RTN1: variants seen among roughly 807,000 people sequenced by gnomAD.
RTN1 encodes the protein reticulon 1.
In RTN1, 25 loss-of-function variants were observed where a neutral mutation model predicts 65.5. The observed-to-expected ratio is 0.38, with a 90% CI of 0.28 to 0.53. RTN1 has a LOEUF of 0.53. RTN1 is among the 20% of genes least tolerant of loss of function. The probability of loss-of-function intolerance (pLI) is 0.79; values close to 1 mark genes in which losing one functional copy is unlikely to be tolerated. For synonymous variants in RTN1, 471 were observed against 447.6 expected, an observed-to-expected ratio of 1.05 and a Z score of -0.66; for missense variants, 983 against 1,025.4, an observed-to-expected ratio of 0.96 and a Z score of 0.57.
Position 59,816,546 on chromosome 14 carries a change from A to T in RTN1, c.241+53844T>A, listed in dbSNP as rs981135752. On this transcript the variant is annotated intron_variant, in intron 1 of 8. Coordinates refer to ENST00000267484, the MANE Select transcript of RTN1 (RefSeq NM_021136.3). The surrounding 1 kb of genome is among the most constrained non-coding windows in gnomAD (Gnocchi z 4.3). ...CACATAGAAATGAGTTTTGAGATGG[A>T]GGATTCAAACCAGGAAATCAGGCTG... Among the ~76,000 whole-genome samples the T allele has an allele frequency of 1.3e-5, 2 of 152,228 alleles. No individual in the cohort carries two copies. The highest frequency in any genetic ancestry group is 1.9e-4 in the East Asian group (1 of 5,202).
intron 3 of RTN1, among the ~76,000 whole-genome samples, chr14:59,706,980 A>T (rs1239901163): frequency 6.6e-6 from 1 of 152,204 alleles, no homozygotes; most frequent in Non-Finnish European, 1.5e-5. Flanking sequence ...ACTCCTGGAG[A>T]AAAGTTTCTT....
At chr14:59,639,526 T>G (rs2140190801) in intron 3 of RTN1, among the ~76,000 whole-genome samples, 1 of 152,340 alleles carries the variant, frequency 6.6e-6, no homozygotes, top group Middle Eastern at 3.4e-3. Context: ...CTTTTATCTC[T>G]TTTACCTTGT....
chr14:59,802,247 T>C (rs1886560398), intron 1 of RTN1, among the ~76,000 whole-genome samples: 1 of 152,238 alleles, frequency 6.6e-6, no homozygotes, highest in Non-Finnish European at 1.5e-5. Context: ...GGCTGGAACA[T>C]TGCTATTCAA....
At chr14:59,742,270 C>A (rs938375753) in intron 2 of RTN1, among the ~76,000 whole-genome samples, 2 of 152,092 alleles carry the variant, frequency 1.3e-5, no homozygotes, top group African/African-American at 4.8e-5. Flanking sequence ...GATTATTGTC[C>A]TTTTTGAGGC....
At chr14:59,630,355 G>A in intron 3 of RTN1, 1 of 1,534,632 alleles carries the variant, frequency 6.5e-7, no homozygotes, top group East Asian at 2.3e-5. Context: ...GCATGCACAG[G>A]TCCCACAGGT....
chr14:59,723,489 C>T (rs760052161), intron 3 of RTN1, among the ~76,000 whole-genome samples: 5 of 151,098 alleles, frequency 3.3e-5, no homozygotes, highest in African/African-American at 9.7e-5. Context: ...TGGTGGTGGG[C>T]GCCTGTAGTC....
intron 1 of RTN1, among the ~76,000 whole-genome samples, chr14:59,749,373 T>C (rs1339917936): frequency 1.3e-5 from 1 of 79,122 alleles, no homozygotes; most frequent in Non-Finnish European, 2.0e-5. Flanking sequence ...TATATATCTA[T>C]ATATCTATAT....
chr14:59,749,334 A>C (rs796545040), intron 1 of RTN1, among the ~76,000 whole-genome samples: 1 of 66,498 alleles, frequency 1.5e-5, no homozygotes, highest in Non-Finnish European at 2.3e-5. Context: ...ATATCTATAT[A>C]TATCTATATA....
intron 3 of RTN1, among the ~76,000 whole-genome samples, chr14:59,609,800 T>G (rs1370908927): frequency 6.6e-6 from 1 of 152,208 alleles, no homozygotes; most frequent in African/African-American, 2.4e-5. Context: ...TTTCATTTAT[T>G]GAGCAGGAAC....
intron 1 of RTN1, among the ~76,000 whole-genome samples, chr14:59,796,278 C>G (rs753616705): frequency 1.3e-5 from 2 of 152,056 alleles, no homozygotes; most frequent in Admixed American, 1.3e-4. Flanking sequence ...GCGAACTATA[C>G]CATCTAGGTT....
intron 1 of RTN1, among the ~76,000 whole-genome samples, chr14:59,777,819 C>CA (rs1230621935): frequency 1.7e-4 from 19 of 109,302 alleles, no homozygotes; most frequent in Non-Finnish European, 3.0e-4. Context: ...ACAACAACAA[C>CA]AACAAAAAAA....
Position 59,840,385 on chromosome 14 carries a change from T to C in RTN1, c.241+30005A>G, listed in dbSNP as rs918258434. On this transcript the variant is annotated intron_variant, in intron 1 of 8. Transcript: ENST00000267484. The stretch of plus-strand genomic sequence containing the variant: ...TCCTCTCCACCATCAATTTGTATAG[T>C]GGCTAAGAGCACATGCTTTCAAGTG... 3.9e-5 allele frequency among the ~76,000 whole-genome samples: 6 copies of C among 152,316 alleles called. No homozygotes were observed. In the South Asian group the frequency reaches 1.2e-3, roughly 32 times the overall value.
At chr14:59,862,373 C>A (rs967358262) in intron 1 of RTN1, among the ~76,000 whole-genome samples, 3 of 152,072 alleles carry the variant, frequency 2.0e-5, no homozygotes, top group Admixed American at 2.0e-4. Context: ...TTTCACCTTT[C>A]TTCTGGACTC....
chr14:59,635,609 G>A (rs1476105200), intron 3 of RTN1, among the ~76,000 whole-genome samples: 1 of 152,050 alleles, frequency 6.6e-6, no homozygotes, highest in Non-Finnish European at 1.5e-5. Flanking sequence ...TGTAGACTTT[G>A]GCAACTCATA....
intron 1 of RTN1, among the ~76,000 whole-genome samples, chr14:59,773,287 C>A (rs1885992056): frequency 6.6e-6 from 1 of 151,960 alleles, no homozygotes; most frequent in African/African-American, 2.4e-5. Flanking sequence ...AAAAAAAATT[C>A]TCATCATTTA....
intron 3 of RTN1, chr14:59,630,912 C>T: frequency 1.1e-6 from 1 of 912,942 alleles, no homozygotes. Context: ...TTGGGCTGTT[C>T]CTGGGAGTTC....
chr14:59,813,404 T>C (rs1886764454), intron 1 of RTN1, among the ~76,000 whole-genome samples: 1 of 152,234 alleles, frequency 6.6e-6, no homozygotes, highest in South Asian at 2.1e-4. Flanking sequence ...TAAAGTTTAC[T>C]GGCCAAATTC....
intron 1 of RTN1, among the ~76,000 whole-genome samples, chr14:59,764,964 T>C (rs10147912): frequency 0.029 from 4,439 of 152,262 alleles, 199 homozygotes; most frequent in African/African-American, 0.1. Flanking sequence ...TTCTAAACAC[T>C]GCTGCTATGA....
chr14:59,724,513 T>C (rs1884716007), intron 3 of RTN1, among the ~76,000 whole-genome samples: 1 of 152,220 alleles, frequency 6.6e-6, no homozygotes. Flanking sequence ...CGGACCTCAC[T>C]GTTGCCAGGA....
Sources: allele counts gnomAD v4.1 joint callset (sites outside exome capture counted in the v4.1 genomes callset), GRCh38; gene constraint gnomAD v4.1.1; non-coding constraint Gnocchi (gnomAD v3.1); transcripts MANE v1.5; gene names NCBI Gene and HGNC (gene_info 2026-07-23, HGNC 2026-07-21).